RBCK1: variants seen among roughly 807,000 people sequenced by gnomAD.
RBCK1 encodes RANBP2-type and C3HC4-type zinc finger containing 1.
In RBCK1, 44 loss-of-function variants were observed where a neutral mutation model predicts 71.1. The ratio of observed to expected loss-of-function variants is 0.62; its 90% CI spans 0.49 to 0.80. The LOEUF (loss-of-function observed/expected upper bound fraction) is 0.80, where lower values mean the gene tolerates loss of function less well. Ranked by LOEUF, RBCK1 falls within the 30% of genes least tolerant of loss-of-function variation. The pLI is 0.00. For synonymous variants in RBCK1, 306 were observed against 279.7 expected (o/e 1.09, Z -0.94); for missense variants, 569 against 685.0 (o/e 0.83, Z 1.89).
intron 7 of RBCK1, among the ~76,000 whole-genome samples, chr20:421,342 G>T (rs367971559): frequency 2.0e-5 from 3 of 152,140 alleles, no homozygotes; most frequent in African/African-American, 7.2e-5. Context: ...CCTCGCTGTG[G>T]GCATCTGCCA....
rs1600268604 is a variant in RBCK1, at chr20:408,674, T to C, written c.-84T>C. ...CACGGCCTGGCTGAGTTGCTCCTGG[T>C]CTCCCGCCTCTCCCAGGCGACCCGG... On this transcript the variant is annotated 5_prime_UTR_variant, in exon 1 of 12. Transcript: ENST00000356286. 4.5e-6 allele frequency: 7 copies of C among 1,561,790 alleles called. No individual in the cohort carries two copies. The highest frequency in any genetic ancestry group is 5.2e-6 in the Non-Finnish European group (6 of 1,149,618).
chr20:431,279 C>G lies in RBCK1; in HGVS notation c.*849C>G, dbSNP rs1485321561. 6.6e-6 allele frequency among the ~76,000 whole-genome samples: 1 copy of G among 152,104 alleles called. No homozygotes were observed. Among genetic ancestry groups the G allele is most frequent in the Non-Finnish European group, 1.5e-5 (1 of 68,026 alleles). On this transcript the variant is annotated 3_prime_UTR_variant, in exon 12 of 12. Transcript: ENST00000356286. The surrounding 1 kb of genome is among the most constrained non-coding windows in gnomAD (Gnocchi z 4.8). ...TGCCACTCCTGCTCCCTTTTGACCT[C>G]TCAGCAGGCATCTAGGGTTGGCAGG... is the stretch of plus-strand genomic sequence containing the variant.
intron 6 of RBCK1, chr20:420,242 C>T (rs1222440162): frequency 1.0e-6 from 1 of 985,052 alleles, no homozygotes; most frequent in African/African-American, 1.8e-5. Context: ...TCGCTGCGCC[C>T]TAGGGGGATG....
At chr20:411,845 C>T (rs981075637) in intron 2 of RBCK1, among the ~76,000 whole-genome samples, 2 of 152,190 alleles carry the variant, frequency 1.3e-5, no homozygotes, top group Non-Finnish European at 2.9e-5. Flanking sequence ...AAATAATAAT[C>T]TATTGTATAG....
At position 429,007 on chromosome 20, in the gene RBCK1, G is replaced by C; in HGVS notation, c.1365G>C (p.Gln455His). The C allele has an allele frequency of 6.2e-7, 1 of 1,612,314 alleles. No individual in the cohort carries two copies. The highest frequency in any genetic ancestry group is 8.5e-7 in the Non-Finnish European group (1 of 1,179,914). The change falls in exon 11 of 12, where the codon CAG (glutamine) becomes CAC (histidine). Residue 455 changes from glutamine (Q) to histidine (H), a missense_variant. By Grantham distance (24) the Gln-to-His change is conservative. Coordinates refer to ENST00000356286, the MANE Select transcript of RBCK1 (RefSeq NM_031229.4). ...GCCCCCAGTGCCAGATCGTGGTACA[G>C]AAGAAGGACGGCTGCGACTGGATCC... ...MRCPQCQIVVQKKDGCDWIRC... is the reference protein window; with the variant it reads ...MRCPQCQIVVHKKDGCDWIRC...
intron 2 of RBCK1, among the ~76,000 whole-genome samples, chr20:416,251 G>C (rs1352590111): frequency 6.6e-6 from 1 of 151,546 alleles, no homozygotes; most frequent in Non-Finnish European, 1.5e-5. Context: ...CGCCTCCCGG[G>C]TTCACACCAT....
chr20:429,376 G>A (rs542131511), intron 11 of RBCK1, among the ~76,000 whole-genome samples: 7 of 152,160 alleles, frequency 4.6e-5, no homozygotes, highest in South Asian at 2.1e-4. Context: ...ACAGGCATGC[G>A]CCACCACGCC....
intron 4 of RBCK1, among the ~76,000 whole-genome samples, chr20:419,024 G>A (rs6115915): frequency 0.015 from 2,294 of 152,348 alleles, 51 homozygotes; most frequent in African/African-American, 0.052. Context: ...TTCCTCCGGA[G>A]TGGATCAAGT....
rs761976413 is a variant in RBCK1, at chr20:428,484, G to A, written c.1210-7G>A. On this transcript the variant is annotated splice_region_variant and splice_polypyrimidine_tract_variant and intron_variant, in intron 9 of 11. Transcript: ENST00000356286. The surrounding 1 kb of genome is among the most constrained non-coding windows in gnomAD (Gnocchi z 5.7). ...CCTTCTTACCTTGAGTCCCTCACCC[G>A]CTACAGGCCATCCATGAGCAGATGA... 17 of 1,596,158 alleles carry A rather than the reference G, an allele frequency of 1.1e-5. No homozygotes were observed. The highest frequency in any genetic ancestry group is 5.3e-5 in the Admixed American group (3 of 56,958).
At position 416,317 on chromosome 20, in the gene RBCK1, G is replaced by A. The variant is rs530137240; in HGVS notation, c.168-1209G>A. Reference sequence around the variant, plus strand: ...ACTACAGGCGCCCGCCACCGTGCCTGGCTAATTTTTTTTTTTGTATTTTTA... The same window carrying A: ...ACTACAGGCGCCCGCCACCGTGCCTAGCTAATTTTTTTTTTTGTATTTTTA... On this transcript the variant is annotated intron_variant, in intron 2 of 11. Coordinates refer to ENST00000356286, the MANE Select transcript of RBCK1 (RefSeq NM_031229.4). Among the ~76,000 whole-genome samples the A allele has an allele frequency of 3.3e-5, 5 of 151,840 alleles. No individual in the cohort carries two copies. The East Asian group carries it at 9.7e-4, about 29-fold the overall frequency.
At position 417,944 on chromosome 20, in the gene RBCK1, C is replaced by G. The variant is rs2016097025; in HGVS notation, c.460+14C>G. The G allele has an allele frequency of 6.3e-7, 1 of 1,599,538 alleles. No homozygotes were observed. The highest frequency in any genetic ancestry group is 8.5e-7 in the Non-Finnish European group (1 of 1,178,410). ...GGATGCTGGAAGGTGAGGCTCTGCC[C>G]TGAGCACCGCCGGACCCAGCGGGGG... On this transcript the variant is annotated intron_variant, in intron 4 of 11. Coordinates refer to ENST00000356286, the MANE Select transcript of RBCK1 (RefSeq NM_031229.4). The surrounding 1 kb of genome is among the most constrained non-coding windows in gnomAD (Gnocchi z 4.7).
intron 2 of RBCK1, among the ~76,000 whole-genome samples, chr20:412,519 T>C (rs1386023365): frequency 6.6e-6 from 1 of 152,106 alleles, no homozygotes; most frequent in South Asian, 2.1e-4. Context: ...GGTCTTACCA[T>C]GTTGGCCAGG....
intron 2 of RBCK1, among the ~76,000 whole-genome samples, chr20:412,551 C>G (rs1332562362): frequency 6.6e-6 from 1 of 152,170 alleles, no homozygotes; most frequent in African/African-American, 2.4e-5. Flanking sequence ...CTCCTGACCT[C>G]AGGTGATCCA....
At chr20:415,937 C>T (rs552789635) in intron 2 of RBCK1, among the ~76,000 whole-genome samples, 36 of 152,200 alleles carry the variant, frequency 2.4e-4, no homozygotes, top group African/African-American at 8.4e-4. Flanking sequence ...CTCACTATGG[C>T]GAGAAGTCAC....
At chr20:426,045 A>T (rs1405051687) in intron 8 of RBCK1, among the ~76,000 whole-genome samples, 1 of 152,216 alleles carries the variant, frequency 6.6e-6, no homozygotes, top group East Asian at 1.9e-4. Flanking sequence ...AGTGCTACGT[A>T]CTAGCTTACT....
intron 2 of RBCK1, among the ~76,000 whole-genome samples, chr20:412,345 G>A (rs1403570209): frequency 6.7e-6 from 1 of 150,150 alleles, no homozygotes; most frequent in African/African-American, 2.5e-5. Context: ...TTTTGAGATG[G>A]AGTCTCGCTC....
chr20:418,584 G>T (rs535964216), intron 4 of RBCK1, among the ~76,000 whole-genome samples: 2 of 151,638 alleles, frequency 1.3e-5, no homozygotes, highest in African/African-American at 4.8e-5. Context: ...TAGCCAGGAT[G>T]GTCTCGATCT....
Position 417,267 on chromosome 20 carries a change from C to T in RBCK1, c.168-259C>T. 1.5e-6 allele frequency: 1 copy of T among 674,200 alleles called. No homozygotes were observed. The highest frequency in any genetic ancestry group is 2.8e-6 in the Non-Finnish European group (1 of 353,518). The allele number at this position is 674,200 out of a possible 1,614,324, so 41.8% of individuals were successfully genotyped here. A position where few individuals can be genotyped will look rare whatever the true frequency, so the allele number is the denominator to read the frequency against. Reference sequence around the variant, plus strand: ...GAGGTTGGAGAGGTCAGGGAGGTGCCAGATCATGGAGGCCCTCGTGTGCTG... The same window carrying T: ...GAGGTTGGAGAGGTCAGGGAGGTGCTAGATCATGGAGGCCCTCGTGTGCTG... On this transcript the variant is annotated intron_variant, in intron 2 of 11. Transcript: ENST00000356286. This position sits in a 1 kb window ranked among gnomAD's most constrained non-coding sequence, Gnocchi z 4.7.
chr20:427,510 T>C lies in RBCK1; in HGVS notation c.1209+18T>C. On this transcript the variant is annotated intron_variant, in intron 9 of 11. Coordinates refer to ENST00000356286, the MANE Select transcript of RBCK1 (RefSeq NM_031229.4). ...TCTGCAAGGTGGGGCCTGCAGGGACTCCCCCCACCTAGTCACTGTCATCTT... is the reference window on the plus strand; with the variant it reads ...TCTGCAAGGTGGGGCCTGCAGGGACCCCCCCCACCTAGTCACTGTCATCTT... 1 of 1,610,738 alleles carries C rather than the reference T, an allele frequency of 6.2e-7. No individual in the cohort carries two copies. Among genetic ancestry groups the C allele is most frequent in the Non-Finnish European group, 8.5e-7 (1 of 1,178,818 alleles).
Sources: gnomAD v4.1 joint callset for allele counts (sites outside exome capture counted in the v4.1 genomes callset) on GRCh38, gnomAD v4.1.1 for gene constraint, Gnocchi (gnomAD v3.1) non-coding constraint, MANE v1.5 for transcripts, NCBI Gene and HGNC (gene_info 2026-07-23, HGNC 2026-07-21) for gene names.